TANC2: variants seen among roughly 807,000 people sequenced by gnomAD.
The protein encoded by TANC2 is protein TANC2.
TANC2 carries 26 observed loss-of-function variants against 210.5 expected under a neutral mutation model. The ratio of observed to expected loss-of-function variants is 0.12; its 90% CI spans 0.09 to 0.17. The LOEUF (loss-of-function observed/expected upper bound fraction) is 0.17, where lower values mean the gene tolerates loss of function less well. Among genes scored for constraint, TANC2 ranks in the 10% least tolerant of loss-of-function variants. The pLI, the probability that TANC2 is intolerant of heterozygous loss-of-function variation, is 1.00. For synonymous variants in TANC2, 931 were observed against 967.1 expected, an observed-to-expected ratio of 0.96 and a Z score of 0.69; for missense variants, 2,129 against 2,608.9, an observed-to-expected ratio of 0.82 and a Z score of 4.01.
In TANC2 at chr17:62,977,564, A is replaced by G. The variant is rs548673465; in HGVS notation, c.-24+10815A>G. Among the ~76,000 whole-genome samples the G allele has an allele frequency of 5.3e-5, 8 of 152,288 alleles. No homozygotes were observed. In the South Asian group the frequency reaches 1.2e-3, roughly 24 times the overall value. On this transcript the variant is annotated intron_variant, in intron 1 of 27. Transcript: ENST00000689528. ...TAAATGTAGGCATTTATTGGTTGTC[A>G]ACAAATGTTAATTGTCATTACTTAT...
intron 8 of TANC2, among the ~76,000 whole-genome samples, chr17:63,251,695 T>G (rs2043057828): frequency 6.6e-6 from 1 of 152,156 alleles, no homozygotes; most frequent in African/African-American, 2.4e-5. Context: ...AAGCCCAACA[T>G]CAGGACCCCA....
rs188407197 is a variant in TANC2 at position 63,259,402 on chromosome 17, C to T, written c.1034-8346C>T. On this transcript the variant is annotated intron_variant, in intron 8 of 27. Transcript: ENST00000689528. ...AAAACCAGGTACTAGGATTGCTCAC[C>T]TGATTTTTGGGTCTTATGAAGGTGC... Among the ~76,000 whole-genome samples the T allele has an allele frequency of 2.0e-5, 3 of 152,192 alleles. No homozygotes were observed. The East Asian group carries it at 5.8e-4, about 29-fold the overall frequency.
intron 12 of TANC2, among the ~76,000 whole-genome samples, chr17:63,350,704 T>G (rs2046575773): frequency 6.6e-6 from 1 of 152,134 alleles, no homozygotes; most frequent in African/African-American, 2.4e-5. Context: ...TTCAACTCTG[T>G]CTAATGCCTG....
chr17:63,101,549 A>G (rs1213872540), intron 4 of TANC2, among the ~76,000 whole-genome samples: 1 of 152,206 alleles, frequency 6.6e-6, no homozygotes, highest in Non-Finnish European at 1.5e-5. Flanking sequence ...TTTTTACTTA[A>G]TCATTCAACA....
chr17:63,247,500 A>G (rs1163470336), intron 8 of TANC2, among the ~76,000 whole-genome samples: 2 of 149,240 alleles, frequency 1.3e-5, no homozygotes, highest in African/African-American at 2.5e-5. Context: ...AAAAAAAAAT[A>G]GAAACAATTA....
rs528140107 is a variant in TANC2, at chr17:63,419,938, C to T, written c.4269-61C>T. On this transcript the variant is annotated intron_variant, in intron 27 of 27. Coordinates refer to ENST00000689528, the Ensembl canonical transcript of TANC2. The stretch of plus-strand genomic sequence containing the variant: ...TGAGATAGTGACCATGTTCTCAGCT[C>T]TTGGTGATTTCTCTGGATTCAGAAT... 63 of 1,474,668 alleles carry T rather than the reference C, an allele frequency of 4.3e-5. No homozygotes were observed. The South Asian group carries it at 7.7e-4, about 18-fold the overall frequency. 91.3% of individuals were successfully genotyped at this position (1,474,668 alleles called of 1,614,324 possible).
chr17:63,264,741 G>A lies in TANC2; in HGVS notation c.1034-3007G>A, dbSNP rs2043471967. Among the ~76,000 whole-genome samples, 4 of 152,124 alleles carry A rather than the reference G, an allele frequency of 2.6e-5. No homozygotes were observed. The South Asian group carries it at 8.3e-4, about 31-fold the overall frequency. On this transcript the variant is annotated intron_variant, in intron 8 of 27. Coordinates refer to ENST00000689528, the Ensembl canonical transcript of TANC2. ...GGCATTGGAGAGGCACAGGAAAAGA[G>A]CAAAGAAGTCATTACCAGCCTGGGC...
intron 8 of TANC2, among the ~76,000 whole-genome samples, chr17:63,247,669 T>C (rs954933432): frequency 6.6e-6 from 1 of 152,114 alleles, no homozygotes; most frequent in African/African-American, 2.4e-5. Context: ...GCAGTACTTA[T>C]CACTCATCCT....
At chr17:63,083,515 G>A (rs1337826319) in intron 3 of TANC2, among the ~76,000 whole-genome samples, 1 of 152,172 alleles carries the variant, frequency 6.6e-6, no homozygotes, top group Non-Finnish European at 1.5e-5. Context: ...AGACCAGAAA[G>A]GGAGGGATTC....
At position 63,418,931 on chromosome 17, in the gene TANC2, A is replaced by G. The variant is rs1263586688; in HGVS notation, c.4268+524A>G. ...CTAAACCATCACCCACCACACACACACAGAGTCAAGAGGTCCTTGCTGCCA... is the reference window on the plus strand; with the variant it reads ...CTAAACCATCACCCACCACACACACGCAGAGTCAAGAGGTCCTTGCTGCCA... On this transcript the variant is annotated intron_variant, in intron 27 of 27. Transcript: ENST00000689528. This position sits in a 1 kb window ranked among gnomAD's most constrained non-coding sequence, Gnocchi z 4.6. Among the ~76,000 whole-genome samples, 1 of 151,922 alleles carries G rather than the reference A, an allele frequency of 6.6e-6. No individual in the cohort carries two copies. Among genetic ancestry groups the G allele is most frequent in the Non-Finnish European group, 1.5e-5 (1 of 67,950 alleles).
rs565421119 is a variant in TANC2, at chr17:63,150,840, G to A, written c.323-430G>A. 27 of 152,168 alleles carry A rather than the reference G, an allele frequency of 1.8e-4. 1 individual carries two copies. The highest frequency in any genetic ancestry group is 6.0e-4 in the African/African-American group (25 of 41,506). 9.4% of individuals were successfully genotyped at this position (152,168 alleles called of 1,614,324 possible). A position where few individuals can be genotyped will look rare whatever the true frequency, so the allele number is the denominator to read the frequency against. ...ACAAAACCTTGAAACATAGTCCTGT[G>A]CTTTCCTTAGTTAACATCTGTATTT... On this transcript the variant is annotated intron_variant, in intron 4 of 27. Transcript: ENST00000689528.
rs527691317 is a variant in TANC2 at position 63,340,017 on chromosome 17, A to G, written c.1576-84A>G. ...AATACTGAGATACTAAGTGATTTCT[A>G]GTATAATCACTCAATAGCTGATAAT... On this transcript the variant is annotated intron_variant, in intron 11 of 27. Transcript: ENST00000689528. 7 of 969,736 alleles carry G rather than the reference A, an allele frequency of 7.2e-6. No homozygotes were observed. In the African/African-American group the frequency reaches 8.0e-5, roughly 11 times the overall value. The allele number at this position is 969,736 out of a possible 1,614,324, so 60.1% of individuals were successfully genotyped here.
chr17:63,036,764 T>C (rs570390906), intron 2 of TANC2, among the ~76,000 whole-genome samples: 1 of 152,234 alleles, frequency 6.6e-6, no homozygotes. Flanking sequence ...ATTTGTTTAG[T>C]TCTTCCTTGA....
At chr17:63,136,944 C>T (rs968866077) in intron 4 of TANC2, among the ~76,000 whole-genome samples, 1 of 152,048 alleles carries the variant, frequency 6.6e-6, no homozygotes, top group African/African-American at 2.4e-5. Flanking sequence ...AGAGCTAATC[C>T]GAGACAACTG....
At chr17:62,978,250 G>T (rs1430464681) in intron 1 of TANC2, among the ~76,000 whole-genome samples, 1 of 152,140 alleles carries the variant, frequency 6.6e-6, no homozygotes, top group Non-Finnish European at 1.5e-5. Context: ...GTTTATTGCA[G>T]GAAGGCAAGG....
intron 2 of TANC2, among the ~76,000 whole-genome samples, chr17:63,034,852 G>C (rs2034910020): frequency 6.6e-6 from 1 of 152,210 alleles, no homozygotes; most frequent in African/African-American, 2.4e-5. Flanking sequence ...CAGATGTGCA[G>C]AGAAAGTGGT....
Position 63,086,516 on chromosome 17 carries a change from T to C in TANC2, c.139+12502T>C, listed in dbSNP as rs567683429. ...GCATTCTTAATTTCTATTCTAATGT[T>C]TTTGATGTACGTTTTCTTATTCTTT... is the stretch of plus-strand genomic sequence containing the variant. On this transcript the variant is annotated intron_variant, in intron 3 of 27. Coordinates refer to ENST00000689528, the Ensembl canonical transcript of TANC2. 1.2e-4 allele frequency among the ~76,000 whole-genome samples: 18 copies of C among 152,334 alleles called. No individual in the cohort carries two copies. The South Asian group carries it at 3.5e-3, about 30-fold the overall frequency.
chr17:63,386,219 G>A (rs989048274), intron 15 of TANC2, among the ~76,000 whole-genome samples: 103 of 152,272 alleles, frequency 6.8e-4, no homozygotes, highest in South Asian at 1.2e-3. Flanking sequence ...ATATGAAAGT[G>A]TTTTAAAGCC....
At chr17:63,072,289 T>G (rs956579373) in intron 2 of TANC2, among the ~76,000 whole-genome samples, 8 of 152,076 alleles carry the variant, frequency 5.3e-5, no homozygotes, top group African/African-American at 1.4e-4. Context: ...TGATATACAG[T>G]TAAGAAGGAT....
Sources: allele counts gnomAD v4.1 joint callset (sites outside exome capture counted in the v4.1 genomes callset), GRCh38; gene constraint gnomAD v4.1.1; non-coding constraint Gnocchi (gnomAD v3.1); transcripts MANE v1.5; gene names NCBI Gene and HGNC (gene_info 2026-07-23, HGNC 2026-07-21).